Variants in CSTPP1 observed in about 807,000 individuals in gnomAD.
CSTPP1 encodes centriolar satellite-associated tubulin polyglutamylase complex regulator 1.
chr11:46,978,392 C>T, the CSTPP1 span, among the ~76,000 whole-genome samples: 1 of 152,190 alleles, frequency 6.6e-6, no homozygotes, highest in Non-Finnish European at 1.5e-5. Context: ...TAGGACTGAA[C>T]ATTGCAACAT....
chr11:47,047,181 G>A, the CSTPP1 span, among the ~76,000 whole-genome samples: 2 of 152,144 alleles, frequency 1.3e-5, no homozygotes, highest in Non-Finnish European at 2.9e-5. Flanking sequence ...GATTACAGAC[G>A]TGAGCCACCG....
chr11:47,164,241 C>T, the CSTPP1 span: 2 of 1,612,866 alleles, frequency 1.2e-6, no homozygotes, highest in Admixed American at 3.3e-5. Flanking sequence ...CCGGTGGGAG[C>T]CCAGAGAGTG....
At chr11:47,066,255 A>G in the CSTPP1 span, among the ~76,000 whole-genome samples, 1 of 152,042 alleles carries the variant, frequency 6.6e-6, no homozygotes, top group South Asian at 2.1e-4. Flanking sequence ...CTCAAATAAC[A>G]TAATTGCATT....
At chr11:46,937,663 G>T in the CSTPP1 span, among the ~76,000 whole-genome samples, 1 of 152,048 alleles carries the variant, frequency 6.6e-6, no homozygotes. Context: ...TCCGCCTCCC[G>T]GGTAGCTGGG....
chr11:47,130,030 G>A, the CSTPP1 span, among the ~76,000 whole-genome samples: 27 of 152,216 alleles, frequency 1.8e-4, no homozygotes, highest in East Asian at 5.2e-3. Flanking sequence ...AGGCCGAGGC[G>A]GGCGGACCAC....
chr11:47,115,847 T>C, the CSTPP1 span, among the ~76,000 whole-genome samples: 1 of 152,310 alleles, frequency 6.6e-6, no homozygotes, highest in South Asian at 2.1e-4. Flanking sequence ...AGTTATTTCT[T>C]GCCTTCTGCT....
the CSTPP1 span, among the ~76,000 whole-genome samples, chr11:47,087,571 G>T: frequency 6.6e-6 from 1 of 151,944 alleles, no homozygotes; most frequent in Non-Finnish European, 1.5e-5. Flanking sequence ...TGGTGGTGCG[G>T]GCCTGTAATC....
At chr11:47,127,339 A>G in the CSTPP1 span, among the ~76,000 whole-genome samples, 1 of 152,246 alleles carries the variant, frequency 6.6e-6, no homozygotes, top group Non-Finnish European at 1.5e-5. Context: ...CTGTCTGCAA[A>G]TATGAGCCAT....
chr11:47,122,235 G>T, the CSTPP1 span, among the ~76,000 whole-genome samples: 1 of 150,954 alleles, frequency 6.6e-6, no homozygotes. Context: ...ACCTTAGTAT[G>T]CCATCAGTGA....
the CSTPP1 span, among the ~76,000 whole-genome samples, chr11:46,965,190 A>T: frequency 6.6e-6 from 1 of 151,688 alleles, no homozygotes; most frequent in African/African-American, 2.4e-5. Flanking sequence ...AAATAACAAT[A>T]ATCAGCCTAT....
At chr11:47,058,778 A>T in the CSTPP1 span, among the ~76,000 whole-genome samples, 4 of 152,222 alleles carry the variant, frequency 2.6e-5, no homozygotes, top group Non-Finnish European at 5.9e-5. Flanking sequence ...GAAAAAGCCA[A>T]TGCCAGGAGA....
the CSTPP1 span, among the ~76,000 whole-genome samples, chr11:47,069,656 G>A: frequency 6.6e-6 from 1 of 152,104 alleles, no homozygotes; most frequent in African/African-American, 2.4e-5. Context: ...GATTTTGGAA[G>A]TTCTTTGAAA....
At chr11:47,073,382 G>A in the CSTPP1 span, among the ~76,000 whole-genome samples, 2 of 152,162 alleles carry the variant, frequency 1.3e-5, no homozygotes, top group Non-Finnish European at 2.9e-5. Context: ...GCTCTCAATG[G>A]AAGGAAGCTT....
chr11:47,046,630 ATTTTC>A, the CSTPP1 span, among the ~76,000 whole-genome samples: 10 of 124,348 alleles, frequency 8.0e-5, no homozygotes, highest in South Asian at 2.6e-4. Context: ...ATTCAACACA[ATTTTC>A]TTTTCTTTTC....
chr11:46,940,273 G>A, the CSTPP1 span, among the ~76,000 whole-genome samples: 2 of 152,202 alleles, frequency 1.3e-5, no homozygotes, highest in Non-Finnish European at 2.9e-5. Flanking sequence ...GTCCCGCACT[G>A]GTAAACAAGT....
chr11:47,153,331 C>G, the CSTPP1 span, among the ~76,000 whole-genome samples: 1 of 152,224 alleles, frequency 6.6e-6, no homozygotes, highest in Non-Finnish European at 1.5e-5. Flanking sequence ...TGAATTTCTT[C>G]CAGCTGGAAT....
At chr11:46,994,422 A>C in the CSTPP1 span, among the ~76,000 whole-genome samples, 1 of 152,046 alleles carries the variant, frequency 6.6e-6, no homozygotes, top group Non-Finnish European at 1.5e-5. Flanking sequence ...GATTGTCATA[A>C]ATAGCTCATT....
At chr11:47,075,719 G>A in the CSTPP1 span, among the ~76,000 whole-genome samples, 4 of 151,928 alleles carry the variant, frequency 2.6e-5, no homozygotes, top group Non-Finnish European at 4.4e-5. Flanking sequence ...AGGAGCTTGC[G>A]ACCAGCCTGG....
the CSTPP1 span, among the ~76,000 whole-genome samples, chr11:47,063,234 A>G: frequency 1.3e-5 from 2 of 152,220 alleles, no homozygotes; most frequent in East Asian, 1.9e-4. Context: ...AAATATATAT[A>G]TATGGTTTTT....
Sources: allele counts gnomAD v4.1 joint callset (sites outside exome capture counted in the v4.1 genomes callset), GRCh38; gene constraint gnomAD v4.1.1; transcripts MANE v1.5; gene names NCBI Gene and HGNC (gene_info 2026-07-23, HGNC 2026-07-21).